The following UTRN variants were observed in gnomAD, a reference collection of about 807,000 sequenced individuals.
UTRN encodes the protein utrophin.
In UTRN, 283 loss-of-function variants were observed where a neutral mutation model predicts 463.9. The ratio of observed to expected loss-of-function variants is 0.61; its 90% CI spans 0.55 to 0.67. The LOEUF is 0.67. Among genes scored for constraint, UTRN ranks in the 30% least tolerant of loss-of-function variants. The probability of loss-of-function intolerance (pLI) is 0.00; values close to 1 mark genes in which losing one functional copy is unlikely to be tolerated. For missense variants in UTRN, 3,922 were observed against 4,084.3 expected (o/e 0.96, Z 1.08); for synonymous variants, 1,442 against 1,431.5 (o/e 1.01, Z -0.17).
intron 66 of UTRN, among the ~76,000 whole-genome samples, chr6:144,824,320 A>C (rs1006833392): frequency 6.6e-6 from 1 of 151,544 alleles, no homozygotes; most frequent in African/African-American, 2.4e-5. Context: ...GGCAGAAGAC[A>C]AAGAACAAGG....
intron 51 of UTRN, 114 bp from the exon 52 acceptor site, chr6:144,678,292 T>C (rs1408315289): frequency 9.8e-7 from 1 of 1,016,268 alleles, no homozygotes; most frequent in African/African-American, 1.6e-5. Flanking sequence ...AGCACTTGAA[T>C]TTCTTATAAT....
At chr6:144,822,727 A>G (rs1779709096) in intron 66 of UTRN, among the ~76,000 whole-genome samples, 1 of 152,126 alleles carries the variant, frequency 6.6e-6, no homozygotes, top group East Asian at 1.9e-4. Context: ...AGTATCTAAT[A>G]TATGTTTAAC....
chr6:144,716,233 A>G (rs989594352), intron 53 of UTRN, among the ~76,000 whole-genome samples: 9 of 150,790 alleles, frequency 6.0e-5, no homozygotes, highest in African/African-American at 1.7e-4. Context: ...CTTTTAAAAT[A>G]TAGCTTTTTT....
intron 2 of UTRN, among the ~76,000 whole-genome samples, chr6:144,345,191 G>A (rs1397073219): frequency 1.3e-5 from 2 of 151,358 alleles, no homozygotes; most frequent in Non-Finnish European, 2.9e-5. Flanking sequence ...GGGTTGTAGC[G>A]TTGTCTCTGC....
intron 52 of UTRN, among the ~76,000 whole-genome samples, chr6:144,694,784 T>C (rs569494452): frequency 5.9e-5 from 9 of 152,264 alleles, no homozygotes; most frequent in Middle Eastern, 6.8e-3. Flanking sequence ...TCTTTTCTTC[T>C]TTATTAGTCT....
At chr6:144,521,855 A>G in intron 39 of UTRN, 125 bp from the exon 40 acceptor site, 1 of 496,152 alleles carries the variant, frequency 2.0e-6, no homozygotes, top group Non-Finnish European at 2.9e-6. Flanking sequence ...TATTAAAACT[A>G]AGTTTTAAAA....
intron 51 of UTRN, among the ~76,000 whole-genome samples, chr6:144,638,234 AG>A: frequency 6.6e-6 from 1 of 152,356 alleles, no homozygotes; most frequent in East Asian, 1.9e-4. Context: ...TTTGAAGTAC[AG>A]GGGACTTTTC....
intron 23 of UTRN, among the ~76,000 whole-genome samples, chr6:144,471,196 C>G (rs1277510677): frequency 6.6e-6 from 1 of 151,470 alleles, no homozygotes; most frequent in African/African-American, 2.4e-5. Flanking sequence ...CCTGATGGGT[C>G]TGCGTGTATT....
rs773243081 is a variant in UTRN at position 144,514,662 on chromosome 6, G to A, written c.5086G>A (p.Glu1696Lys). 2.4e-5 allele frequency: 39 copies of A among 1,613,864 alleles called. No homozygotes were observed. Among genetic ancestry groups the A allele is most frequent in the Admixed American group, 3.3e-5 (2 of 59,948 alleles). ...TTCTTATAATTAGCGTTTAGTATCT[G>A]AGCTGGATGATGCCAACCTCCAGGT... ...QEEIVKRLVS[E>K]LDDANLQVEN... The change falls in exon 37 of 75, where the codon GAG (glutamate) becomes AAG (lysine). Residue 1696 changes from glutamate to lysine, a missense_variant. Coordinates refer to ENST00000367545, the MANE Select transcript of UTRN (RefSeq NM_007124.3).
At chr6:144,824,448 C>CT (rs774796269) in intron 66 of UTRN, among the ~76,000 whole-genome samples, 21,905 of 84,436 alleles carry the variant, frequency 0.26, 2,540 homozygotes, top group East Asian at 0.63. Context: ...TATATATACA[C>CT]ATATACAATA....
chr6:144,839,011 C>T, intron 71 of UTRN, 162 bp from the exon 72 acceptor site: 1 of 546,650 alleles, frequency 1.8e-6, no homozygotes, highest in Non-Finnish European at 3.2e-6. Context: ...AGGACCAAAG[C>T]CCCCACCAAG....
chr6:144,294,731 A>G (rs936604537), intron 2 of UTRN, among the ~76,000 whole-genome samples: 1 of 152,244 alleles, frequency 6.6e-6, no homozygotes, highest in African/African-American at 2.4e-5. Context: ...ATGTTAAGTT[A>G]TTGTGATTAT....
At position 144,767,447 on chromosome 6, in the gene UTRN, A is replaced by G. The variant is rs534411893; in HGVS notation, c.8496-4460A>G. ...TTTAAAACCTTAATTATGCAAATAT[A>G]CTTCCATATCAAGAGCTTAGCTTAA... On this transcript the variant is annotated intron_variant, in intron 58 of 74. Transcript: ENST00000367545. 2.0e-5 allele frequency among the ~76,000 whole-genome samples: 3 copies of G among 152,282 alleles called. No homozygotes were observed. In the East Asian group the frequency reaches 5.8e-4, roughly 29 times the overall value.
At chr6:144,584,540 A>C (rs143471594) in intron 51 of UTRN, among the ~76,000 whole-genome samples, 4,559 of 152,260 alleles carry the variant, frequency 0.03, 116 homozygotes, top group South Asian at 0.076. Flanking sequence ...GATGATATAC[A>C]GTATGGCATG....
chr6:144,822,841 C>T (rs1779719643), intron 66 of UTRN, among the ~76,000 whole-genome samples: 1 of 152,072 alleles, frequency 6.6e-6, no homozygotes, highest in Non-Finnish European at 1.5e-5. Context: ...TTACTTGGTG[C>T]TTTAATTTAC....
rs901775585 is a variant in UTRN at position 144,485,617 on chromosome 6, T to C, written c.3822+98T>C. On this transcript the variant is annotated intron_variant, in intron 28 of 74. Coordinates refer to ENST00000367545, the MANE Select transcript of UTRN (RefSeq NM_007124.3). Reference sequence around the variant, plus strand: ...TAATGCTTTACGCAGGCAAATGCATTTGCTTCCTCAGTGGTTTTCAATGTC... The same window carrying C: ...TAATGCTTTACGCAGGCAAATGCATCTGCTTCCTCAGTGGTTTTCAATGTC... 28 of 1,527,608 alleles carry C rather than the reference T, an allele frequency of 1.8e-5. No homozygotes were observed. The Admixed American group carries it at 3.1e-4, about 17-fold the overall frequency. 94.6% of individuals were successfully genotyped at this position (1,527,608 alleles called of 1,614,324 possible). A position where few individuals can be genotyped will look rare whatever the true frequency, so the allele number is the denominator to read the frequency against.
chr6:144,824,572 T>TTATTTATA (rs1779930433), intron 66 of UTRN, among the ~76,000 whole-genome samples: 1 of 37,902 alleles, frequency 2.6e-5, no homozygotes, highest in African/African-American at 8.7e-5. Context: ...AGCATTTTAT[T>TTATTTATA]TATATATATA....
intron 34 of UTRN, among the ~76,000 whole-genome samples, chr6:144,508,156 G>T (rs998515699): frequency 6.6e-6 from 1 of 152,120 alleles, no homozygotes; most frequent in Non-Finnish European, 1.5e-5. Context: ...CCAGCCGTTG[G>T]ATCTTAGCTT....
rs200636414 is a variant in UTRN at position 144,793,922 on chromosome 6, G to A, written c.9009G>A (p.Arg3003=). The A allele has an allele frequency of 3.0e-5, 49 of 1,614,016 alleles. No individual in the cohort carries two copies. The highest frequency in any genetic ancestry group is 1.6e-4 in the Middle Eastern group (1 of 6,084). ...TTCATGATGCCATCCAGATCCCCCGGCAGCTAGGTGAAGTAGCAGCTTTTG... is the reference window on the plus strand; with the variant it reads ...TTCATGATGCCATCCAGATCCCCCGACAGCTAGGTGAAGTAGCAGCTTTTG... The part of the protein sequence containing the change: ...LLLHDAIQIP[R]QLGEVAAFGG... The change falls in exon 63 of 75, where the codon CGG becomes CGA. Residue 3003 remains arginine, a synonymous_variant. Coordinates refer to ENST00000367545, the MANE Select transcript of UTRN (RefSeq NM_007124.3).
Sources: gnomAD v4.1 joint callset for allele counts (sites outside exome capture counted in the v4.1 genomes callset) on GRCh38, gnomAD v4.1.1 for gene constraint, MANE v1.5 for transcripts, NCBI Gene and HGNC (gene_info 2026-07-23, HGNC 2026-07-21) for gene names.